The following RSF1 variants were observed in gnomAD, a reference collection of about 807,000 sequenced individuals.
RSF1 encodes the protein remodeling and spacing factor 1, also known as HBV pX-associated protein 8.
A neutral mutation model predicts 145.2 loss-of-function variants in RSF1; 13 were observed. That is an observed-to-expected ratio of 0.09 (90% CI 0.06 to 0.14). RSF1 has a LOEUF of 0.14. RSF1 is among the 10% of genes least tolerant of loss of function. The pLI is 1.00. For missense variants in RSF1, 1,517 were observed against 1,718.2 expected (o/e 0.88, Z 2.07); for synonymous variants, 577 against 592.6 (o/e 0.97, Z 0.38).
Position 77,676,842 on chromosome 11 carries a change from A to T in RSF1, c.3291T>A (p.Asp1097Glu). The change falls in exon 13 of 16, where the codon GAT (aspartate) becomes GAA (glutamate). Residue 1097 changes from aspartate to glutamate, a missense_variant. Asp to Glu is a conservative substitution (Grantham distance 45). Coordinates refer to ENST00000308488, the MANE Select transcript of RSF1 (RefSeq NM_016578.4). The stretch of plus-strand genomic sequence containing the variant: ...CGCTCTCTTCTTCATCCAGGTTGCT[A>T]TCACTGTCCAGATCATTTAATCGCC... ...KRRRLNDLDS[D>E]SNLDEEESED... 6.2e-7 allele frequency: 1 copy of T among 1,613,984 alleles called. No homozygotes were observed. The highest frequency in any genetic ancestry group is 1.7e-5 in the Admixed American group (1 of 60,018).
the RSF1 span, among the ~76,000 whole-genome samples, chr11:77,871,013 A>G: frequency 6.6e-6 from 1 of 152,056 alleles, no homozygotes; most frequent in East Asian, 1.9e-4. Context: ...CTTTATATAT[A>G]TAGGGCACCT....
At chr11:77,781,123 G>C (rs975206731) in intron 1 of RSF1, among the ~76,000 whole-genome samples, 1 of 151,344 alleles carries the variant, frequency 6.6e-6, no homozygotes, top group Non-Finnish European at 1.5e-5. Flanking sequence ...TTGAGAGAGA[G>C]AGAATCTCAC....
At chr11:77,847,560 T>C in the RSF1 span, among the ~76,000 whole-genome samples, 1 of 152,164 alleles carries the variant, frequency 6.6e-6, no homozygotes, top group Non-Finnish European at 1.5e-5. Flanking sequence ...CATGGAGATA[T>C]AGAAGGGACA....
chr11:77,726,393 C>T (rs1354380583), intron 4 of RSF1, among the ~76,000 whole-genome samples: 1 of 152,180 alleles, frequency 6.6e-6, no homozygotes, highest in Non-Finnish European at 1.5e-5. Flanking sequence ...ACCTCAAATT[C>T]CCAGGCTCAA....
chr11:77,836,971 A>T, the RSF1 span, among the ~76,000 whole-genome samples: 1 of 152,224 alleles, frequency 6.6e-6, no homozygotes, highest in African/African-American at 2.4e-5. Flanking sequence ...ATCTCAAAAA[A>T]AGAAAAAGTT....
At chr11:77,771,120 CA>C (rs1420648189) in intron 1 of RSF1, among the ~76,000 whole-genome samples, 1 of 152,024 alleles carries the variant, frequency 6.6e-6, no homozygotes, top group Admixed American at 6.6e-5. Flanking sequence ...CAGAAAGAGT[CA>C]AAACAAATTT....
intron 4 of RSF1, among the ~76,000 whole-genome samples, chr11:77,736,778 A>G (rs961067381): frequency 1.3e-5 from 2 of 152,200 alleles, no homozygotes; most frequent in African/African-American, 2.4e-5. Context: ...CCTAAAATCT[A>G]TTCTTTACAA....
chr11:77,818,502 G>A (rs1948803334), intron 1 of RSF1, among the ~76,000 whole-genome samples: 1 of 152,034 alleles, frequency 6.6e-6, no homozygotes, highest in Admixed American at 6.6e-5. Flanking sequence ...ATTAAAAAAC[G>A]GGCCAGGCTT....
At chr11:77,767,757 G>A (rs1948240686) in intron 1 of RSF1, among the ~76,000 whole-genome samples, 1 of 152,156 alleles carries the variant, frequency 6.6e-6, no homozygotes, top group African/African-American at 2.4e-5. Context: ...CATACTGTCT[G>A]TATCACTCAT....
At chr11:77,755,029 G>A (rs1286031040) in intron 2 of RSF1, among the ~76,000 whole-genome samples, 2 of 152,024 alleles carry the variant, frequency 1.3e-5, no homozygotes, top group Non-Finnish European at 2.9e-5. Flanking sequence ...CAAAAGATAT[G>A]GTAAAATAGG....
In RSF1 at chr11:77,701,658, C is replaced by A. The variant is rs774251135; in HGVS notation, c.1571G>T (p.Ser524Ile). The A allele has an allele frequency of 6.2e-7, 1 of 1,614,010 alleles. No individual in the cohort carries two copies. The highest frequency in any genetic ancestry group is 2.2e-5 in the East Asian group (1 of 44,864). The change falls in exon 6 of 16, where the codon AGT becomes ATT. Residue 524 changes from serine (S) to isoleucine (I), a missense_variant. By Grantham distance (142) the Ser-to-Ile change is moderately radical. This residue lies in a region of RSF1 where 579 missense variants were observed against 553.5 expected (regional missense o/e 1.05). Coordinates refer to ENST00000308488, the MANE Select transcript of RSF1 (RefSeq NM_016578.4). Reference protein sequence around the residue: ...DSSISVLEIHSQKAQIEEPDP... With the variant: ...DSSISVLEIHIQKAQIEEPDP... ...GGGTTCCTCTATTTGTGCTTTTTGA[C>A]TATGGATCTCTAAGACTGATATTGA...
chr11:77,785,156 G>T (rs1948441901), intron 1 of RSF1, among the ~76,000 whole-genome samples: 1 of 152,056 alleles, frequency 6.6e-6, no homozygotes, highest in Non-Finnish European at 1.5e-5. Context: ...CATCACCCAG[G>T]GAAAACAATC....
intron 5 of RSF1, among the ~76,000 whole-genome samples, chr11:77,707,806 CAA>C (rs987868052): frequency 1.3e-4 from 20 of 152,104 alleles, no homozygotes; most frequent in African/African-American, 4.6e-4. Flanking sequence ...AAGAATTTTT[CAA>C]AGACAGTGAA....
chr11:77,747,807 G>A (rs1234981814), intron 2 of RSF1, among the ~76,000 whole-genome samples: 2 of 152,202 alleles, frequency 1.3e-5, no homozygotes, highest in Non-Finnish European at 2.9e-5. Flanking sequence ...AGTAAGGGAG[G>A]TTAACACAGT....
chr11:77,794,589 C>A (rs1191295891), intron 1 of RSF1, among the ~76,000 whole-genome samples: 1 of 151,686 alleles, frequency 6.6e-6, no homozygotes, highest in Non-Finnish European at 1.5e-5. Context: ...TGTTCCTGAA[C>A]AACCACCGGG....
At chr11:77,801,590 G>T (rs1400126063) in intron 1 of RSF1, among the ~76,000 whole-genome samples, 1 of 152,038 alleles carries the variant, frequency 6.6e-6, no homozygotes, top group East Asian at 1.9e-4. Context: ...TAAATTCCTT[G>T]CAATTTCCTG....
intron 3 of RSF1, among the ~76,000 whole-genome samples, chr11:77,743,944 T>C (rs1464099961): frequency 6.6e-6 from 1 of 152,216 alleles, no homozygotes; most frequent in Non-Finnish European, 1.5e-5. Context: ...TTTTCTCAAA[T>C]GTTTTTTCTG....
chr11:77,832,976 TG>T, the RSF1 span, among the ~76,000 whole-genome samples: 1 of 67,116 alleles, frequency 1.5e-5, no homozygotes, highest in Non-Finnish European at 2.8e-5. Flanking sequence ...TGTGTGTGTG[TG>T]TGTGTGTGTG....
chr11:77,797,546 G>A (rs11518811), intron 1 of RSF1, among the ~76,000 whole-genome samples: 38,642 of 152,014 alleles, frequency 0.25, 5,622 homozygotes, highest in South Asian at 0.49. Context: ...TGAGACCTAG[G>A]ACCATAAAAA....
Sources: gnomAD v4.1 joint callset for allele counts (sites outside exome capture counted in the v4.1 genomes callset) on GRCh38, gnomAD v4.1.1 for gene constraint, gnomAD v4.1.1 regional missense constraint, MANE v1.5 for transcripts, NCBI Gene and HGNC (gene_info 2026-07-23, HGNC 2026-07-21) for gene names.